ADAM23: variants seen among roughly 807,000 people sequenced by gnomAD.
The protein encoded by ADAM23 is ADAM metallopeptidase domain 23, also known as disintegrin and metalloproteinase domain-containing protein 23.
Under a neutral mutation model 120.1 loss-of-function variants are expected in ADAM23, and 33 were observed. That is an observed-to-expected ratio of 0.27 (90% CI 0.21 to 0.37). The LOEUF (loss-of-function observed/expected upper bound fraction) is 0.37. Ranked by LOEUF, ADAM23 falls within the 10% of genes least tolerant of loss-of-function variation. The pLI, the probability that ADAM23 is intolerant of heterozygous loss-of-function variation, is 1.00. For missense variants in ADAM23, 862 were observed against 1,058.2 expected (o/e 0.81, Z 2.57); for synonymous variants, 367 against 375.2 (o/e 0.98, Z 0.25).
At chr2:206,485,279 TAG>T (rs1413726362) in intron 3 of ADAM23, among the ~76,000 whole-genome samples, 2 of 152,048 alleles carry the variant, frequency 1.3e-5, no homozygotes, top group African/African-American at 4.8e-5. Flanking sequence ...AGAATAAAGG[TAG>T]AGAGTCAGGA....
chr2:206,567,433 C>A (rs1697911767), intron 15 of ADAM23, 111 bp downstream of exon 15: 2 of 768,176 alleles, frequency 2.6e-6, no homozygotes, highest in African/African-American at 1.7e-5. Flanking sequence ...TCTTGTCAAT[C>A]AGATTAATAT....
rs766361662 is a variant in ADAM23, at chr2:206,451,594, C to G, written c.432+6070C>G. 1.5e-4 allele frequency among the ~76,000 whole-genome samples: 23 copies of G among 152,248 alleles called. No individual in the cohort carries two copies. The South Asian group carries it at 1.9e-3, about 12-fold the overall frequency. On this transcript the variant is annotated intron_variant, in intron 2 of 25. Transcript: ENST00000264377. Reference sequence around the variant, plus strand: ...TATCCTACTTAGTTCCTCTAAGAACCCAGTGACATAGGCATTTATAGACAT... The same window carrying G: ...TATCCTACTTAGTTCCTCTAAGAACGCAGTGACATAGGCATTTATAGACAT...
chr2:206,597,209 C>T (rs6738115), intron 24 of ADAM23, among the ~76,000 whole-genome samples: 99,729 of 142,022 alleles, frequency 0.7, 35,348 homozygotes, highest in Middle Eastern at 0.75. Context: ...AGACAGAGTC[C>T]GACTCTGTCG....
chr2:206,535,748 A>G (rs751913892), intron 4 of ADAM23, among the ~76,000 whole-genome samples: 1 of 152,198 alleles, frequency 6.6e-6, no homozygotes, highest in Non-Finnish European at 1.5e-5. Flanking sequence ...TGACATGTCC[A>G]GAATAGGCAA....
intron 4 of ADAM23, among the ~76,000 whole-genome samples, chr2:206,534,712 C>T (rs1166476004): frequency 6.6e-6 from 1 of 152,148 alleles, no homozygotes; most frequent in Non-Finnish European, 1.5e-5. Context: ...TTTGTAAGTG[C>T]TTACTAATAC....
chr2:206,587,719 A>G (rs1574551273), intron 19 of ADAM23, among the ~76,000 whole-genome samples: 2 of 152,130 alleles, frequency 1.3e-5, no homozygotes, highest in South Asian at 4.1e-4. Context: ...CCCTGAAGCC[A>G]TATTATAACC....
chr2:206,484,167 A>G (rs1695955751), intron 3 of ADAM23, among the ~76,000 whole-genome samples: 1 of 152,168 alleles, frequency 6.6e-6, no homozygotes, highest in South Asian at 2.1e-4. Flanking sequence ...ACTGGTGTGA[A>G]GCTGTAGGGT....
chr2:206,477,891 AAAAAAAATATAT>A (rs1336267308), intron 2 of ADAM23, among the ~76,000 whole-genome samples: 5 of 94,422 alleles, frequency 5.3e-5, no homozygotes, highest in Admixed American at 1.2e-4. Context: ...AAAAAAAAAA[AAAAAAAATATAT>A]ATATATATAT....
chr2:206,542,000 GAATT>G, intron 4 of ADAM23, 48 bp from the exon 5 acceptor site: 1 of 1,582,062 alleles, frequency 6.3e-7, no homozygotes, highest in Non-Finnish European at 8.7e-7. Flanking sequence ...AGCACCCAAA[GAATT>G]AATCATAATG....
intron 9 of ADAM23, among the ~76,000 whole-genome samples, chr2:206,552,581 T>TA (rs1697552902): frequency 6.6e-6 from 1 of 152,150 alleles, no homozygotes; most frequent in African/African-American, 2.4e-5. Flanking sequence ...TGTTCTGTGA[T>TA]AGAGTTCCTT....
At chr2:206,520,716 A>G (rs1348985409) in intron 3 of ADAM23, among the ~76,000 whole-genome samples, 1 of 151,972 alleles carries the variant, frequency 6.6e-6, no homozygotes, top group Non-Finnish European at 1.5e-5. Context: ...AAAGAATCTT[A>G]TCTGTGTTCA....
intron 18 of ADAM23, among the ~76,000 whole-genome samples, chr2:206,575,151 G>T (rs1264492114): frequency 6.6e-6 from 1 of 152,134 alleles, no homozygotes; most frequent in African/African-American, 2.4e-5. Context: ...GAAGGAGCTT[G>T]TCAGTAAATA....
chr2:206,602,915 T>C (rs1698666249), intron 24 of ADAM23, among the ~76,000 whole-genome samples: 1 of 152,100 alleles, frequency 6.6e-6, no homozygotes, highest in Non-Finnish European at 1.5e-5. Flanking sequence ...AATGAAAACA[T>C]TCTGCTAGGT....
intron 18 of ADAM23, among the ~76,000 whole-genome samples, chr2:206,578,577 T>C (rs935446773): frequency 1.2e-4 from 18 of 152,250 alleles, no homozygotes; most frequent in African/African-American, 3.4e-4. Context: ...TATATATGTA[T>C]GTATGTACAT....
chr2:206,543,897 G>T (rs1697344608), intron 6 of ADAM23, among the ~76,000 whole-genome samples: 1 of 152,156 alleles, frequency 6.6e-6, no homozygotes, highest in Non-Finnish European at 1.5e-5. Context: ...ACCAAACATT[G>T]TGTGTTCTCA....
chr2:206,548,245 G>C, intron 7 of ADAM23, 36 bp from the exon 8 acceptor site: 1 of 1,572,376 alleles, frequency 6.4e-7, no homozygotes, highest in Non-Finnish European at 8.7e-7. Flanking sequence ...ATTGAAATAA[G>C]CATAAAATTT....
At chr2:206,601,608 A>G (rs578113230) in intron 24 of ADAM23, among the ~76,000 whole-genome samples, 1 of 152,058 alleles carries the variant, frequency 6.6e-6, no homozygotes, top group East Asian at 1.9e-4. Context: ...CCCCGTCTAT[A>G]TAAAAAAATA....
chr2:206,575,358 T>C (rs904991035), intron 18 of ADAM23, among the ~76,000 whole-genome samples: 12 of 152,226 alleles, frequency 7.9e-5, no homozygotes, highest in African/African-American at 1.4e-4. Flanking sequence ...TTACACAGTT[T>C]TTATAGTTAA....
chr2:206,512,862 A>G (rs1245066040), intron 3 of ADAM23, among the ~76,000 whole-genome samples: 1 of 152,128 alleles, frequency 6.6e-6, no homozygotes, highest in Non-Finnish European at 1.5e-5. Flanking sequence ...TCTGTGTCAT[A>G]TTTTGGTAAT....
Sources: allele counts gnomAD v4.1 joint callset (sites outside exome capture counted in the v4.1 genomes callset), GRCh38; gene constraint gnomAD v4.1.1; transcripts MANE v1.5; gene names NCBI Gene and HGNC (gene_info 2026-07-23, HGNC 2026-07-21).